MYH7B: variants seen among roughly 807,000 people sequenced by gnomAD.
MYH7B encodes myosin-7B.
MYH7B carries 205 observed loss-of-function variants against 234.5 expected under a neutral mutation model. The ratio of observed to expected loss-of-function variants is 0.87; its 90% CI spans 0.78 to 0.98. MYH7B has a LOEUF of 0.98. Ranked by LOEUF, MYH7B falls within the 50% of genes least tolerant of loss-of-function variation. MYH7B has a pLI of 0.00. For missense variants in MYH7B, 2,652 were observed against 2,633.4 expected, an observed-to-expected ratio of 1.01 and a Z score of -0.15; for synonymous variants, 1,193 against 1,105.0, an observed-to-expected ratio of 1.08 and a Z score of -1.58.
exon 42 of MYH7B, chr20:35,001,283 G>A: frequency 6.2e-7 from 1 of 1,613,000 alleles, no homozygotes; most frequent in South Asian, 1.1e-5. Flanking sequence ...CAGAGCAGAA[G>A]AAGCACGCCG....
rs889402175 is a variant in MYH7B, at chr20:34,987,405, C to T, written c.1147+118C>T. On this transcript the variant is annotated intron_variant, in intron 16 of 44. Transcript: ENST00000262873. ...TCAGTCTTACCTGGCCCTGCCTCCT[C>T]AGCTCCAAACCCTTACCCTCCTGAG... 2.0e-6 allele frequency: 3 copies of T among 1,465,406 alleles called. No individual in the cohort carries two copies. The African/African-American group carries it at 4.2e-5, about 20-fold the overall frequency. 90.8% of individuals were successfully genotyped at this position (1,465,406 alleles called of 1,614,324 possible).
chr20:34,995,223 G>A, intron 27 of MYH7B, 113 bp from the exon 28 acceptor site: 3 of 979,990 alleles, frequency 3.1e-6, no homozygotes, highest in South Asian at 3.2e-5. Context: ...AGTTCTCAGA[G>A]CACAGCCAAA....
chr20:34,961,439 GAAGTA>G (rs1320836284), intron 2 of MYH7B, among the ~76,000 whole-genome samples: 3 of 152,080 alleles, frequency 2.0e-5, no homozygotes, highest in African/African-American at 7.2e-5. Context: ...CCCAACCCAA[GAAGTA>G]AAGACTCTCC....
intron 30 of MYH7B, 140 bp from the exon 31 acceptor site, chr20:34,996,943 C>T: frequency 7.8e-7 from 1 of 1,276,224 alleles, no homozygotes; most frequent in East Asian, 2.6e-5. Context: ...GGGTCCAGGG[C>T]TGAGGCCTCA....
intron 12 of MYH7B, 28 bp downstream of exon 12, chr20:34,984,974 G>A (rs373765067): frequency 2.7e-5 from 44 of 1,609,872 alleles, no homozygotes; most frequent in Middle Eastern, 1.7e-4. Context: ...GAGGGGTGGC[G>A]GGGATGCCGT....
At chr20:34,984,706 A>G in exon 11 of MYH7B, 2 of 1,604,028 alleles carry the variant, frequency 1.2e-6, no homozygotes, top group South Asian at 1.1e-5. Flanking sequence ...TTCTGGCAAC[A>G]AAGACGGGGG....
intron 13 of MYH7B, among the ~76,000 whole-genome samples, chr20:34,985,544 G>A: frequency 6.7e-6 from 1 of 149,622 alleles, no homozygotes; most frequent in East Asian, 2.0e-4. Context: ...CACGTAGAGT[G>A]CCCCATCCTT....
chr20:35,002,375 C>A (rs2147253778), exon 45 of MYH7B: 1 of 547,136 alleles, frequency 1.8e-6, no homozygotes, highest in East Asian at 3.2e-5. Flanking sequence ...AAAACACAGT[C>A]CTAGGGACAA....
rs1377661674 is a variant in MYH7B, at chr20:35,000,156, C to T, written c.4782-137C>T. 3 of 1,124,322 alleles carry T rather than the reference C, an allele frequency of 2.7e-6. No individual in the cohort carries two copies. The African/African-American group carries it at 4.7e-5, about 17-fold the overall frequency. The allele number at this position is 1,124,322 out of a possible 1,614,324, so 69.6% of individuals were successfully genotyped here. A position where few individuals can be genotyped will look rare whatever the true frequency, so the allele number is the denominator to read the frequency against. ...TGAACTTGCTCTGATGGGCCACAGG[C>T]AGTCACAAGAGACTTTAAATCGGGG... On this transcript the variant is annotated intron_variant, in intron 38 of 44. Coordinates refer to ENST00000262873, the Ensembl canonical transcript of MYH7B.
intron 19 of MYH7B, among the ~76,000 whole-genome samples, chr20:34,989,377 G>A (rs1828836302): frequency 6.6e-6 from 1 of 152,216 alleles, no homozygotes. Flanking sequence ...AGTGAGTGAG[G>A]AAGCCAAAAT....
Position 34,977,723 on chromosome 20 carries a change from AGGGTGGGC to A in MYH7B, c.-73+51_-73+58del, listed in dbSNP as rs777097051. 9 of 171,204 alleles carry A rather than the reference AGGGTGGGC, an allele frequency of 5.3e-5. No homozygotes were observed. The East Asian group carries it at 1.2e-3, about 22-fold the overall frequency. 10.6% of individuals were successfully genotyped at this position (171,204 alleles called of 1,614,324 possible). On this transcript the variant is annotated intron_variant, in intron 4 of 44. Coordinates refer to ENST00000262873, the Ensembl canonical transcript of MYH7B. ...GGGTTGGAGCCGAAGGGAGGGCAGG[AGGGTGGGC>A]GGGTGGGTGAGGGTGCCCATGGGTG...
At chr20:34,980,725 A>G in exon 8 of MYH7B, 1 of 1,613,988 alleles carries the variant, frequency 6.2e-7, no homozygotes, top group African/African-American at 1.3e-5. Flanking sequence ...CTACAACGAC[A>G]TGCTGCGCAG....
At position 34,968,215 on chromosome 20, in the gene MYH7B, G is replaced by A. The variant is rs537710093; in HGVS notation, c.-221-7185G>A. Among the ~76,000 whole-genome samples, 5 of 152,350 alleles carry A rather than the reference G, an allele frequency of 3.3e-5. No individual in the cohort carries two copies. The East Asian group carries it at 9.6e-4, about 29-fold the overall frequency. ...AAATGGCAGAGCAAGGATTTGAAAA[G>A]GCAGTCCTGACATGTGGCAGGCCTG... On this transcript the variant is annotated intron_variant, in intron 2 of 44. Coordinates refer to ENST00000262873, the Ensembl canonical transcript of MYH7B.
At position 34,977,690 on chromosome 20, in the gene MYH7B, C is replaced by T. The variant is rs753186083; in HGVS notation, c.-73+10C>T. 7 of 1,169,070 alleles carry T rather than the reference C, an allele frequency of 6.0e-6. No individual in the cohort carries two copies. The highest frequency in any genetic ancestry group is 6.6e-6 in the Non-Finnish European group (6 of 902,370). 72.4% of individuals were successfully genotyped at this position (1,169,070 alleles called of 1,614,324 possible). On this transcript the variant is annotated intron_variant, in intron 4 of 44. Transcript: ENST00000262873. ...TCACCGTGGTGCCGAGGTAGGTGAT[C>T]AGGGCTGGGGTTGGAGCCGAAGGGA...
In MYH7B at chr20:35,000,905, C is replaced by T. The variant is rs1225278378; in HGVS notation, c.5304+12C>T. The T allele has an allele frequency of 9.4e-7, 1 of 1,064,030 alleles. No individual in the cohort carries two copies. Among genetic ancestry groups the T allele is most frequent in the Non-Finnish European group, 1.3e-6 (1 of 783,328 alleles). The allele number at this position is 1,064,030 out of a possible 1,614,324, so 65.9% of individuals were successfully genotyped here. A position where few individuals can be genotyped will look rare whatever the true frequency, so the allele number is the denominator to read the frequency against. ...AGGCCATCACTGATGTGAGGCTGGG[C>T]AAGGGCTGTGGGGAGCCTGGGACAG... is the stretch of plus-strand genomic sequence containing the variant. On this transcript the variant is annotated intron_variant, in intron 40 of 44. Coordinates refer to ENST00000262873, the Ensembl canonical transcript of MYH7B.
intron 2 of MYH7B, among the ~76,000 whole-genome samples, chr20:34,958,626 C>T (rs372862686): frequency 1.9e-4 from 29 of 152,134 alleles, no homozygotes; most frequent in East Asian, 1.5e-3. Context: ...CCACCATGCC[C>T]GGCTAATTTT....
intron 10 of MYH7B, among the ~76,000 whole-genome samples, chr20:34,983,942 G>A (rs1468530378): frequency 5.9e-5 from 9 of 152,226 alleles, no homozygotes; most frequent in Non-Finnish European, 1.2e-4. Context: ...GAAAAGGAAG[G>A]GAAAGTGAGG....
intron 2 of MYH7B, among the ~76,000 whole-genome samples, chr20:34,971,068 G>T (rs1255728628): frequency 2.0e-5 from 3 of 152,144 alleles, no homozygotes; most frequent in Non-Finnish European, 2.9e-5. Context: ...AATCACTCTT[G>T]GGGGCAGCCA....
chr20:34,984,548 G>A (rs1164924454), intron 10 of MYH7B, 144 bp from the exon 11 acceptor site: 1 of 719,226 alleles, frequency 1.4e-6, no homozygotes, highest in Non-Finnish European at 2.4e-6. Flanking sequence ...CAGGCCGAGG[G>A]GCTGAGGGTG....
Sources: gnomAD v4.1 joint callset for allele counts (sites outside exome capture counted in the v4.1 genomes callset) on GRCh38, gnomAD v4.1.1 for gene constraint, MANE v1.5 for transcripts, NCBI Gene and HGNC (gene_info 2026-07-23, HGNC 2026-07-21) for gene names.